Variants in AGBL1 observed in about 807,000 individuals in gnomAD.
AGBL1 encodes the protein cytosolic carboxypeptidase 4.
A neutral mutation model predicts 118.9 loss-of-function variants in AGBL1; 130 were observed. The ratio of observed to expected loss-of-function variants is 1.09; its 90% CI spans 0.95 to 1.26. AGBL1 has a LOEUF of 1.26. Ranked by LOEUF, AGBL1 falls within the 50% of genes most tolerant of loss-of-function variation. AGBL1 has a pLI of 0.00. For missense variants in AGBL1, 1,584 were observed against 1,298.1 expected (o/e 1.22, Z -3.38); for synonymous variants, 555 against 478.9 (o/e 1.16, Z -2.08).
Position 86,143,758 on chromosome 15 carries a change from A to C in AGBL1, c.175A>C (p.Thr59Pro), listed in dbSNP as rs1597451906. 1.2e-6 allele frequency: 2 copies of C among 1,613,890 alleles called. No homozygotes were observed. Among genetic ancestry groups the C allele is most frequent in the Non-Finnish European group, 1.7e-6 (2 of 1,179,808 alleles). Residue 59 changes from threonine to proline, a missense_variant, in exon 3 of 23, where the codon ACC (threonine) becomes CCC (proline). By Grantham distance (38) the Thr-to-Pro change is conservative (BLOSUM62 -1). Transcript: ENST00000614907. ...SKGGSEALLQ[T>P]LVDTARTAPP... The stretch of plus-strand genomic sequence containing the variant: ...GGGTGGCAGTGAAGCTCTTCTGCAG[A>C]CCCTGGTAGACACAGCGAGGACAGC...
intron 22 of AGBL1, among the ~76,000 whole-genome samples, chr15:86,822,233 A>T (rs1420051950): frequency 1.3e-5 from 2 of 152,168 alleles, no homozygotes; most frequent in Admixed American, 6.6e-5. Flanking sequence ...CCTAAGTTAG[A>T]GCAATGGGTT....
intron 17 of AGBL1, among the ~76,000 whole-genome samples, chr15:86,384,334 C>G (rs190332436): frequency 2.0e-5 from 3 of 152,052 alleles, no homozygotes; most frequent in Non-Finnish European, 4.4e-5. Context: ...GTGAGCCAGC[C>G]GGCAGGTCTG....
rs546581941 is a variant in AGBL1 at position 86,880,386 on chromosome 15, G to A, written c.3159-26701G>A. ...ATCAGGATTAAAGGGGAAACAGGGA[G>A]CAAACTTGTAAACATCTCAGGCATG... is the stretch of plus-strand genomic sequence containing the variant. On this transcript the variant is annotated intron_variant, in intron 22 of 22. Transcript: ENST00000614907. Among the ~76,000 whole-genome samples, 4 of 152,270 alleles carry A rather than the reference G, an allele frequency of 2.6e-5. No individual in the cohort carries two copies. In the South Asian group the frequency reaches 6.2e-4, roughly 24 times the overall value.
intron 4 of AGBL1, among the ~76,000 whole-genome samples, chr15:86,156,258 G>T (rs2141697163): frequency 6.6e-6 from 1 of 152,248 alleles, no homozygotes; most frequent in South Asian, 2.1e-4. Context: ...TGGAGCTCAG[G>T]ATGTCGGCAG....
chr15:86,347,933 C>T (rs1260648285), intron 17 of AGBL1, among the ~76,000 whole-genome samples: 2 of 152,316 alleles, frequency 1.3e-5, no homozygotes, highest in South Asian at 4.1e-4. Context: ...ATTCCTTTTA[C>T]ATTTCTTCTT....
At chr15:86,244,128 TA>T (rs146217051) in intron 6 of AGBL1, among the ~76,000 whole-genome samples, 4 of 151,188 alleles carry the variant, frequency 2.6e-5, no homozygotes, top group Non-Finnish European at 3.0e-5. Context: ...TTTAGAAACT[TA>T]AAAAAAATTA....
chr15:86,583,852 G>A (rs944615908), intron 21 of AGBL1, among the ~76,000 whole-genome samples: 19 of 152,018 alleles, frequency 1.2e-4, no homozygotes, highest in Admixed American at 9.8e-4. Flanking sequence ...ATCAGCATCT[G>A]TTGTTTTTGA....
At chr15:86,843,277 C>T (rs2079270627) in intron 22 of AGBL1, among the ~76,000 whole-genome samples, 1 of 152,058 alleles carries the variant, frequency 6.6e-6, no homozygotes, top group African/African-American at 2.4e-5. Context: ...TAGAGAGAGT[C>T]ATGGATGTTC....
chr15:86,324,360 T>G (rs924357640), intron 17 of AGBL1, among the ~76,000 whole-genome samples: 2 of 152,156 alleles, frequency 1.3e-5, no homozygotes, highest in Admixed American at 1.3e-4. Flanking sequence ...CACTAAGGGA[T>G]GGAAGCTGTA....
intron 18 of AGBL1, among the ~76,000 whole-genome samples, chr15:86,518,075 A>G (rs2083143702): frequency 6.6e-6 from 1 of 152,168 alleles, no homozygotes; most frequent in Non-Finnish European, 1.5e-5. Context: ...GGCATCATTC[A>G]TTCAGTCTGA....
At position 87,013,854 on chromosome 15, in the gene AGBL1, A is replaced by G. The variant is rs1012351520; in HGVS notation, c.3324-14971A>G. Among the ~76,000 whole-genome samples, 9 of 152,160 alleles carry G rather than the reference A, an allele frequency of 5.9e-5. No individual in the cohort carries two copies. In the South Asian group the frequency reaches 1.9e-3, roughly 32 times the overall value. ...CCCAGCTCAACTATTCCAGAGCAGC[A>G]TGGGGTAGCAGGGAGGTCATGGGCT... On this transcript the variant is annotated intron_variant, in intron 24 of 24. Transcript: ENST00000441037.
chr15:86,814,150 C>A lies in AGBL1; in HGVS notation c.3159-92937C>A, dbSNP rs559892308. On this transcript the variant is annotated intron_variant, in intron 22 of 22. Coordinates refer to ENST00000614907, the MANE Select transcript of AGBL1 (RefSeq NM_001386094.1). Reference sequence around the variant, plus strand: ...AGGAGATGAGCTGCAAGTGAGCGAGCATTACCGCCTGAGCTCTGCCTCTTG... The same window carrying A: ...AGGAGATGAGCTGCAAGTGAGCGAGAATTACCGCCTGAGCTCTGCCTCTTG... Among the ~76,000 whole-genome samples, 14 of 152,300 alleles carry A rather than the reference C, an allele frequency of 9.2e-5. No homozygotes were observed. The South Asian group carries it at 2.7e-3, about 29-fold the overall frequency.
At chr15:86,868,086 C>A (rs2079658737) in intron 22 of AGBL1, among the ~76,000 whole-genome samples, 1 of 151,994 alleles carries the variant, frequency 6.6e-6, no homozygotes, top group South Asian at 2.1e-4. Flanking sequence ...TGTGGCTAAT[C>A]CGGTCTGTGA....
At chr15:86,872,957 G>T (rs990057636) in intron 22 of AGBL1, among the ~76,000 whole-genome samples, 2 of 152,008 alleles carry the variant, frequency 1.3e-5, no homozygotes, top group Non-Finnish European at 2.9e-5. Context: ...TCTACCTATT[G>T]TCAGCCTTCA....
intron 22 of AGBL1, among the ~76,000 whole-genome samples, chr15:86,838,661 C>T (rs2079200928): frequency 6.6e-6 from 1 of 151,790 alleles, no homozygotes; most frequent in Non-Finnish European, 1.5e-5. Flanking sequence ...ATACAGCAGC[C>T]AGGCATGGTA....
chr15:86,882,217 T>A (rs1168489927), intron 22 of AGBL1, among the ~76,000 whole-genome samples: 1 of 152,164 alleles, frequency 6.6e-6, no homozygotes, highest in African/African-American at 2.4e-5. Flanking sequence ...TTGCTGTACT[T>A]TGTTTCCTAA....
At chr15:86,112,843 T>C (rs1052831056) in intron 1 of AGBL1, among the ~76,000 whole-genome samples, 1 of 152,176 alleles carries the variant, frequency 6.6e-6, no homozygotes. Flanking sequence ...ATTACTAATG[T>C]AACTGATTTT....
At chr15:86,637,451 G>A (rs181433771) in intron 21 of AGBL1, among the ~76,000 whole-genome samples, 3 of 152,274 alleles carry the variant, frequency 2.0e-5, no homozygotes, top group East Asian at 1.9e-4. Flanking sequence ...ATGAGGCCGG[G>A]TTATAGTGAG....
chr15:86,562,283 C>T (rs1471516563), intron 21 of AGBL1, among the ~76,000 whole-genome samples: 1 of 152,188 alleles, frequency 6.6e-6, no homozygotes. Context: ...GTGGGTTTGT[C>T]ATAAATAGCT....
Sources: allele counts gnomAD v4.1 joint callset (sites outside exome capture counted in the v4.1 genomes callset), GRCh38; gene constraint gnomAD v4.1.1; transcripts MANE v1.5; gene names NCBI Gene and HGNC (gene_info 2026-07-23, HGNC 2026-07-21).